Variants in RAPGEF2 observed in about 807,000 individuals in gnomAD.
RAPGEF2 encodes Rap guanine nucleotide exchange factor 2.
In RAPGEF2, 54 loss-of-function variants were observed where a neutral mutation model predicts 186.7. That is an observed-to-expected ratio of 0.29 (90% confidence interval 0.23 to 0.36). RAPGEF2 has a LOEUF of 0.36. Ranked by LOEUF, RAPGEF2 falls within the 10% of genes least tolerant of loss-of-function variation. The pLI is 1.00. For synonymous variants in RAPGEF2, 712 were observed against 705.9 expected (o/e 1.01, Z -0.14); for missense variants, 1,532 against 2,045.0 (o/e 0.75, Z 4.84).
chr4:159,108,383 C>CTT (rs35882271), intron 1 of RAPGEF2, among the ~76,000 whole-genome samples: 1,848 of 107,728 alleles, frequency 0.017, 15 homozygotes, highest in Non-Finnish European at 0.019. Flanking sequence ...ACAGAACTTT[C>CTT]TTTTTTTTTT....
At chr4:159,238,920 A>C in intron 5 of RAPGEF2, 36 bp downstream of exon 5, 1 of 1,378,748 alleles carries the variant, frequency 7.3e-7, no homozygotes, top group Non-Finnish European at 9.4e-7. Context: ...TTTTCCCCTA[A>C]AAAATTGTAT....
At chr4:159,269,198 G>A (rs1351137868) in intron 7 of RAPGEF2, among the ~76,000 whole-genome samples, 2 of 152,166 alleles carry the variant, frequency 1.3e-5, no homozygotes, top group Non-Finnish European at 2.9e-5. Flanking sequence ...AGGTTCATGA[G>A]TACAATTTGG....
chr4:159,172,453 T>A (rs150911861), intron 1 of RAPGEF2, among the ~76,000 whole-genome samples: 23 of 152,324 alleles, frequency 1.5e-4, no homozygotes, highest in African/African-American at 5.5e-4. Flanking sequence ...TATTCACTCT[T>A]ACCACCCCAA....
chr4:159,162,395 T>TAA lies in RAPGEF2; in HGVS notation c.70-24233_70-24232dup, dbSNP rs79478746. ...GATGACAGAGTGAGATACTGTCTCT[T>TAA]AAAAAAAAAAAAAAAGGTCTGGGAA... On this transcript the variant is annotated intron_variant, in intron 1 of 29. Transcript: ENST00000691494. Among the ~76,000 whole-genome samples, 9 of 133,458 alleles carry TAA rather than the reference T, an allele frequency of 6.7e-5. No individual in the cohort carries two copies. The East Asian group carries it at 1.5e-3, about 22-fold the overall frequency. The allele number at this position is 133,458 out of a possible 152,430, so 87.6% of individuals were successfully genotyped here. A position where few individuals can be genotyped will look rare whatever the true frequency, so the allele number is the denominator to read the frequency against.
intron 11 of RAPGEF2, among the ~76,000 whole-genome samples, chr4:159,324,692 A>G (rs1055118890): frequency 2.0e-5 from 3 of 152,222 alleles, no homozygotes; most frequent in Non-Finnish European, 2.9e-5. Context: ...CTTGATATCA[A>G]AAGAGAAATA....
chr4:159,113,242 A>T (rs1223304350), intron 1 of RAPGEF2, among the ~76,000 whole-genome samples: 1 of 152,210 alleles, frequency 6.6e-6, no homozygotes. Context: ...TGACTGATGA[A>T]ATTTGAATAT....
At chr4:159,253,501 T>G (rs1022696649) in intron 7 of RAPGEF2, among the ~76,000 whole-genome samples, 1 of 152,244 alleles carries the variant, frequency 6.6e-6, no homozygotes, top group Non-Finnish European at 1.5e-5. Context: ...GTGTTAGATA[T>G]GTTTTTCAAA....
chr4:159,237,111 C>T (rs1005055823), intron 4 of RAPGEF2, among the ~76,000 whole-genome samples: 1 of 152,156 alleles, frequency 6.6e-6, no homozygotes. Flanking sequence ...ACCTCTGCCT[C>T]CCATGCTCAA....
chr4:159,358,197 T>TC lies in RAPGEF2; in HGVS notation c.*60dup. On this transcript the variant is annotated 3_prime_UTR_variant, in exon 30 of 30. Coordinates refer to ENST00000691494, the MANE Select transcript of RAPGEF2 (RefSeq NM_001394067.2). ...CCTGAAAGGAGAGCACAAGAAGACG[T>TC]CCTGAGCATTGGAGCCTTGGAACTC... 1 of 1,540,352 alleles carries TC rather than the reference T, an allele frequency of 6.5e-7. No individual in the cohort carries two copies. Among genetic ancestry groups the TC allele is most frequent in the Admixed American group, 1.8e-5 (1 of 55,200 alleles).
chr4:159,355,845 T>G lies in RAPGEF2; in HGVS notation c.4652-8T>G. ...GTTTTTAATGCTGGTGCATTGTTTC[T>G]ACTCTAGCACGAAAGGAGGGCAGGT... On this transcript the variant is annotated splice_polypyrimidine_tract_variant and splice_region_variant and intron_variant, in intron 28 of 29. Coordinates refer to ENST00000691494, the MANE Select transcript of RAPGEF2 (RefSeq NM_001394067.2). 1.3e-6 allele frequency: 2 copies of G among 1,538,918 alleles called. No homozygotes were observed. The highest frequency in any genetic ancestry group is 1.8e-6 in the Non-Finnish European group (2 of 1,138,682).
intron 1 of RAPGEF2, among the ~76,000 whole-genome samples, chr4:159,145,619 C>T (rs1035355708): frequency 2.6e-5 from 4 of 152,192 alleles, no homozygotes; most frequent in Admixed American, 2.6e-4. Flanking sequence ...AAAATCCTGA[C>T]GTATGTTCAC....
intron 1 of RAPGEF2, among the ~76,000 whole-genome samples, chr4:159,138,941 A>AG (rs1262804768): frequency 1.3e-5 from 2 of 152,216 alleles, no homozygotes; most frequent in African/African-American, 2.4e-5. Context: ...GAATTGAAAT[A>AG]GGTAAAGCAG....
chr4:159,270,683 A>G (rs1167479763), intron 7 of RAPGEF2, among the ~76,000 whole-genome samples: 1 of 152,174 alleles, frequency 6.6e-6, no homozygotes, highest in Non-Finnish European at 1.5e-5. Context: ...TTGCCGGCAC[A>G]TAATAGACGT....
intron 1 of RAPGEF2, among the ~76,000 whole-genome samples, chr4:159,133,690 T>C (rs1031691944): frequency 2.6e-5 from 4 of 151,952 alleles, no homozygotes; most frequent in African/African-American, 9.7e-5. Flanking sequence ...TTCATGCCAT[T>C]CTCCTGCCTC....
chr4:159,262,333 A>G (rs757597069), intron 7 of RAPGEF2, among the ~76,000 whole-genome samples: 12 of 152,230 alleles, frequency 7.9e-5, no homozygotes, highest in South Asian at 6.2e-4. Context: ...AAGGGAATAT[A>G]TTACAGTCAA....
intron 4 of RAPGEF2, among the ~76,000 whole-genome samples, chr4:159,222,654 G>A (rs1269886795): frequency 6.6e-6 from 1 of 152,190 alleles, no homozygotes; most frequent in Non-Finnish European, 1.5e-5. Context: ...TTGGAGAAGG[G>A]ATAGAGGGAT....
intron 4 of RAPGEF2, among the ~76,000 whole-genome samples, chr4:159,236,008 C>T (rs534115386): frequency 1.3e-5 from 2 of 152,326 alleles, no homozygotes; most frequent in African/African-American, 4.8e-5. Flanking sequence ...TTTGAGGCTG[C>T]TCTTCCTTTC....
At chr4:159,295,557 A>G (rs571304747) in intron 7 of RAPGEF2, among the ~76,000 whole-genome samples, 8 of 152,292 alleles carry the variant, frequency 5.3e-5, no homozygotes, top group African/African-American at 9.6e-5. Flanking sequence ...AAACTTGTAT[A>G]AACAGTTCGA....
At chr4:159,148,054 T>C (rs890952908) in intron 1 of RAPGEF2, among the ~76,000 whole-genome samples, 1 of 152,220 alleles carries the variant, frequency 6.6e-6, no homozygotes, top group African/African-American at 2.4e-5. Context: ...TTTATGAACT[T>C]TTTTAAAGCT....
Sources: allele counts gnomAD v4.1 joint callset (sites outside exome capture counted in the v4.1 genomes callset), GRCh38; gene constraint gnomAD v4.1.1; transcripts MANE v1.5; gene names NCBI Gene and HGNC (gene_info 2026-07-23, HGNC 2026-07-21).